Variants in HOOK3 observed in about 807,000 individuals in gnomAD.
HOOK3 encodes the protein hook microtubule tethering protein 3, also known as protein Hook homolog 3.
A neutral mutation model predicts 116.3 loss-of-function variants in HOOK3; 24 were observed. The observed-to-expected ratio is 0.21, with a 90% confidence interval of 0.15 to 0.29. The LOEUF (loss-of-function observed/expected upper bound fraction) is 0.29, where lower values mean the gene tolerates loss of function less well. HOOK3 is among the 10% of genes least tolerant of loss of function. The pLI, the probability that HOOK3 is intolerant of heterozygous loss-of-function variation, is 1.00. For missense variants in HOOK3, 632 were observed against 830.2 expected, an observed-to-expected ratio of 0.76 and a Z score of 2.93; for synonymous variants, 275 against 283.0, an observed-to-expected ratio of 0.97 and a Z score of 0.28.
intron 3 of HOOK3, among the ~76,000 whole-genome samples, chr8:42,929,456 T>C (rs185750349): frequency 1.3e-5 from 2 of 152,094 alleles, no homozygotes; most frequent in African/African-American, 4.8e-5. Context: ...AAATAATCAA[T>C]AGAACTATAT....
At chr8:42,995,796 C>T (rs1163067478) in intron 15 of HOOK3, among the ~76,000 whole-genome samples, 14 of 152,124 alleles carry the variant, frequency 9.2e-5, no homozygotes, top group Admixed American at 9.2e-4. Flanking sequence ...TCCTTATATT[C>T]TTTTGCCTTT....
intron 2 of HOOK3, among the ~76,000 whole-genome samples, chr8:42,908,690 C>T (rs879669682): frequency 1.3e-5 from 2 of 152,152 alleles, no homozygotes; most frequent in Non-Finnish European, 2.9e-5. Context: ...TTAAACATAC[C>T]TACTGAATTT....
chr8:43,003,265 G>GTTTGTGTT lies in HOOK3; in HGVS notation c.1655+1135_1655+1142dup, dbSNP rs1173505259. ...CTGGCAATTTGCCTCATGCTATCCAGTTTGTGTTTTTGTGTTTTAAATGAT... is the reference window on the plus strand; with the variant it reads ...CTGGCAATTTGCCTCATGCTATCCAGTTTGTGTTTTTGTGTTTTTGTGTTTTAAATGAT... On this transcript the variant is annotated intron_variant, in intron 17 of 21. Coordinates refer to ENST00000307602, the MANE Select transcript of HOOK3 (RefSeq NM_032410.4). Among the ~76,000 whole-genome samples, 8 of 152,158 alleles carry GTTTGTGTT rather than the reference G, an allele frequency of 5.3e-5. 1 individual carries two copies. Among genetic ancestry groups the GTTTGTGTT allele is most frequent in the Admixed American group, 5.2e-4 (8 of 15,276 alleles).
intron 6 of HOOK3, among the ~76,000 whole-genome samples, chr8:42,953,254 C>CT (rs1554511877): frequency 1.5e-5 from 2 of 132,070 alleles, no homozygotes; most frequent in Admixed American, 1.6e-4. Flanking sequence ...GGAGTTTATC[C>CT]TAAAAAAAAA....
intron 1 of HOOK3, 104 bp from the exon 2 acceptor site, chr8:42,906,069 A>G: frequency 1.3e-6 from 1 of 794,130 alleles, no homozygotes; most frequent in Non-Finnish European, 2.1e-6. Context: ...CCTGGGTGAC[A>G]GGGCTAGACT....
At chr8:42,976,654 T>C (rs567351793) in intron 13 of HOOK3, among the ~76,000 whole-genome samples, 25 of 152,180 alleles carry the variant, frequency 1.6e-4, no homozygotes, top group African/African-American at 6.0e-4. Flanking sequence ...TCTCAGCACT[T>C]TGGGAGGCCG....
intron 4 of HOOK3, among the ~76,000 whole-genome samples, chr8:42,933,014 A>C (rs1807901049): frequency 6.6e-6 from 1 of 152,222 alleles, no homozygotes; most frequent in Admixed American, 6.5e-5. Context: ...CTATATATTT[A>C]AACATTTTGC....
chr8:42,973,949 A>G (rs1808771985), intron 12 of HOOK3, among the ~76,000 whole-genome samples, 158 bp from the exon 13 acceptor site: 1 of 152,206 alleles, frequency 6.6e-6, no homozygotes, highest in Non-Finnish European at 1.5e-5. Flanking sequence ...AAATTGTTTT[A>G]ATCTTTTCCT....
At chr8:42,998,129 T>C (rs183349104) in intron 16 of HOOK3, 11 of 175,962 alleles carry the variant, frequency 6.3e-5, no homozygotes, top group Non-Finnish European at 1.2e-4. Flanking sequence ...GCACTCTGCA[T>C]CTCTGTCACA....
intron 4 of HOOK3, among the ~76,000 whole-genome samples, chr8:42,936,718 C>G (rs1350778473): frequency 6.6e-6 from 1 of 152,168 alleles, no homozygotes; most frequent in Admixed American, 6.5e-5. Flanking sequence ...GTTGAACCAG[C>G]CTTACATCCC....
chr8:43,007,994 G>A, intron 18 of HOOK3, 65 bp downstream of exon 18: 5 of 674,530 alleles, frequency 7.4e-6, no homozygotes, highest in Non-Finnish European at 2.5e-6. Flanking sequence ...GTGATAGTGA[G>A]TTTACATAAT....
At chr8:42,972,839 A>C (rs1413409507) in intron 11 of HOOK3, among the ~76,000 whole-genome samples, 1 of 152,116 alleles carries the variant, frequency 6.6e-6, no homozygotes, top group Non-Finnish European at 1.5e-5. Context: ...CTCCTTTTAA[A>C]GCTCTAGGTT....
chr8:42,942,068 G>A (rs543875074), intron 4 of HOOK3, among the ~76,000 whole-genome samples: 37 of 152,262 alleles, frequency 2.4e-4, no homozygotes, highest in African/African-American at 8.4e-4. Context: ...AGACCAGCCT[G>A]ACCAACATGG....
At chr8:42,964,522 T>C (rs1450891766) in intron 9 of HOOK3, 48 bp downstream of exon 9, 2 of 1,568,722 alleles carry the variant, frequency 1.3e-6, no homozygotes, top group Non-Finnish European at 1.7e-6. Context: ...TTGTTAGCTG[T>C]CATTTAAAGT....
intron 7 of HOOK3, among the ~76,000 whole-genome samples, chr8:42,958,411 A>T (rs982301034): frequency 2.0e-5 from 3 of 152,014 alleles, no homozygotes; most frequent in Admixed American, 6.6e-5. Context: ...GCTAATTTAG[A>T]GTTTATATAG....
intron 8 of HOOK3, among the ~76,000 whole-genome samples, chr8:42,963,081 T>C (rs1198693599): frequency 6.6e-6 from 1 of 152,076 alleles, no homozygotes; most frequent in East Asian, 1.9e-4. Flanking sequence ...GGATTACAGG[T>C]GTGAGCTGCT....
intron 8 of HOOK3, among the ~76,000 whole-genome samples, 155 bp from the exon 9 acceptor site, chr8:42,964,156 G>A (rs1316798645): frequency 6.6e-6 from 1 of 152,164 alleles, no homozygotes; most frequent in Non-Finnish European, 1.5e-5. Context: ...TCAGTGAGCC[G>A]AGATTGCGCC....
intron 4 of HOOK3, among the ~76,000 whole-genome samples, chr8:42,939,828 T>A (rs1378728495): frequency 7.0e-6 from 1 of 142,884 alleles, no homozygotes; most frequent in Non-Finnish European, 1.5e-5. Context: ...GCAGAGACGC[T>A]CCTCACATCC....
chr8:42,977,351 C>A (rs1808848869), intron 13 of HOOK3, among the ~76,000 whole-genome samples: 1 of 152,166 alleles, frequency 6.6e-6, no homozygotes, highest in Non-Finnish European at 1.5e-5. Flanking sequence ...CTTGCAAATA[C>A]AACCAACCAC....
Sources: allele counts gnomAD v4.1 joint callset (sites outside exome capture counted in the v4.1 genomes callset), GRCh38; gene constraint gnomAD v4.1.1; transcripts MANE v1.5; gene names NCBI Gene and HGNC (gene_info 2026-07-23, HGNC 2026-07-21).